The following RHBDD1 variants were observed in gnomAD, a reference collection of about 807,000 sequenced individuals.
The protein encoded by RHBDD1 is rhomboid domain containing 1.
In RHBDD1, 38 loss-of-function variants were observed where a neutral mutation model predicts 36.3. The ratio of observed to expected loss-of-function variants is 1.05; its 90% CI spans 0.81 to 1.37. The LOEUF (loss-of-function observed/expected upper bound fraction) is 1.37. RHBDD1 is among the 40% of genes most tolerant of loss of function. RHBDD1 has a pLI of 0.00. For missense variants in RHBDD1, 393 were observed against 377.6 expected, an observed-to-expected ratio of 1.04 and a Z score of -0.34; for synonymous variants, 151 against 136.5, an observed-to-expected ratio of 1.11 and a Z score of -0.74.
intron 5 of RHBDD1, among the ~76,000 whole-genome samples, chr2:226,902,988 T>C (rs1457546625): frequency 1.3e-5 from 2 of 152,238 alleles, no homozygotes; most frequent in South Asian, 2.1e-4. Context: ...TTATATCATA[T>C]ATGCTTCACC....
chr2:226,933,617 G>A (rs927999609), intron 8 of RHBDD1, among the ~76,000 whole-genome samples: 2 of 151,964 alleles, frequency 1.3e-5, no homozygotes, highest in Non-Finnish European at 2.9e-5. Flanking sequence ...TTGTTTAGTT[G>A]GCTGATCTGC....
intron 8 of RHBDD1, 127 bp downstream of exon 8, chr2:226,914,478 T>C: frequency 9.7e-7 from 1 of 1,035,508 alleles, no homozygotes; most frequent in East Asian, 2.7e-5. Context: ...ATGAAAACTG[T>C]GTGCAGATTG....
intron 5 of RHBDD1, among the ~76,000 whole-genome samples, chr2:226,881,183 A>G (rs1945696933): frequency 6.6e-6 from 1 of 152,138 alleles, no homozygotes; most frequent in Non-Finnish European, 1.5e-5. Context: ...GGAGAACAGC[A>G]TGGGGGGAAA....
At chr2:226,893,303 A>G (rs1328352632) in intron 5 of RHBDD1, among the ~76,000 whole-genome samples, 2 of 152,150 alleles carry the variant, frequency 1.3e-5, no homozygotes, top group African/African-American at 4.8e-5. Flanking sequence ...TTCATTTTAT[A>G]TTTACTTTCT....
chr2:226,938,129 G>A (rs182327705), intron 8 of RHBDD1, among the ~76,000 whole-genome samples: 3 of 152,142 alleles, frequency 2.0e-5, no homozygotes, highest in Non-Finnish European at 4.4e-5. Flanking sequence ...TTTAGTAATA[G>A]CCATTCTGAC....
At chr2:226,802,657 CAGA>C in the RHBDD1 span, among the ~76,000 whole-genome samples, 23 of 152,298 alleles carry the variant, frequency 1.5e-4, no homozygotes, top group Non-Finnish European at 2.2e-4. Context: ...ATTCACGGAA[CAGA>C]AGAACAAGCT....
chr2:226,916,412 T>C (rs1948915242), intron 8 of RHBDD1, among the ~76,000 whole-genome samples: 1 of 152,186 alleles, frequency 6.6e-6, no homozygotes, highest in Non-Finnish European at 1.5e-5. Flanking sequence ...TAACAAATTC[T>C]CATGGTTATT....
At chr2:226,888,524 T>C (rs1946418830) in intron 5 of RHBDD1, among the ~76,000 whole-genome samples, 1 of 152,074 alleles carries the variant, frequency 6.6e-6, no homozygotes, top group African/African-American at 2.4e-5. Context: ...AGTGAAAACC[T>C]AAGGATCAGA....
chr2:226,908,222 A>T (rs1309358613), intron 6 of RHBDD1: 1 of 152,128 alleles, frequency 6.6e-6, no homozygotes, highest in Non-Finnish European at 1.5e-5. Flanking sequence ...GTGAGCTGAG[A>T]ATTGAAGGAC....
chr2:226,987,699 C>T (rs542584842), intron 8 of RHBDD1, among the ~76,000 whole-genome samples: 2 of 152,318 alleles, frequency 1.3e-5, no homozygotes, highest in African/African-American at 2.4e-5. Flanking sequence ...TGTGCCAGAT[C>T]GTGGTGGACC....
chr2:226,858,799 A>G (rs1943568788), intron 3 of RHBDD1, among the ~76,000 whole-genome samples: 1 of 152,158 alleles, frequency 6.6e-6, no homozygotes, highest in South Asian at 2.1e-4. Context: ...AAATATGGCT[A>G]ATTTTCCTGT....
chr2:226,934,147 TA>T (rs1367336983), intron 8 of RHBDD1, among the ~76,000 whole-genome samples: 2 of 152,164 alleles, frequency 1.3e-5, no homozygotes, highest in Admixed American at 1.3e-4. Context: ...AGTGGTCCCA[TA>T]ACATTATAAA....
At chr2:226,934,853 T>C (rs1950240207) in intron 8 of RHBDD1, among the ~76,000 whole-genome samples, 1 of 131,492 alleles carries the variant, frequency 7.6e-6, no homozygotes, top group South Asian at 2.6e-4. Context: ...AATTTATGCC[T>C]TTTTCTTTTC....
the RHBDD1 span, among the ~76,000 whole-genome samples, chr2:226,802,088 GGAA>G: frequency 6.6e-6 from 1 of 151,766 alleles, no homozygotes; most frequent in Non-Finnish European, 1.5e-5. Context: ...ACTCTTTTCT[GGAA>G]GGAGGGGAGG....
intron 8 of RHBDD1, among the ~76,000 whole-genome samples, chr2:226,921,043 A>G (rs1244841890): frequency 6.6e-6 from 1 of 151,992 alleles, no homozygotes; most frequent in Non-Finnish European, 1.5e-5. Context: ...ATTACTTTTT[A>G]TTGGTTTGTT....
At chr2:226,979,935 G>T (rs1343419400) in intron 8 of RHBDD1, among the ~76,000 whole-genome samples, 1 of 152,218 alleles carries the variant, frequency 6.6e-6, no homozygotes, top group Non-Finnish European at 1.5e-5. Context: ...ATTTGGGAAT[G>T]TTCAGGTTAA....
chr2:226,894,667 G>T (rs1946955955), intron 5 of RHBDD1, among the ~76,000 whole-genome samples: 1 of 152,152 alleles, frequency 6.6e-6, no homozygotes, highest in Non-Finnish European at 1.5e-5. Flanking sequence ...ATGTGTCTGT[G>T]TACACAAAGT....
intron 8 of RHBDD1, among the ~76,000 whole-genome samples, chr2:226,939,044 T>G (rs1219556037): frequency 6.6e-6 from 1 of 152,206 alleles, no homozygotes; most frequent in Non-Finnish European, 1.5e-5. Context: ...ATTATCTCAA[T>G]AGATGCAGAA....
At position 226,988,884 on chromosome 2, in the gene RHBDD1, A is replaced by G. The variant is rs78309684; in HGVS notation, c.857-6547A>G. 6.0e-3 allele frequency among the ~76,000 whole-genome samples: 919 copies of G among 152,278 alleles called. 8 individuals are homozygous for G. The highest frequency in any genetic ancestry group is 0.021 in the African/African-American group (874 of 41,556). On this transcript the variant is annotated intron_variant, in intron 8 of 8. Coordinates refer to ENST00000392062, the MANE Select transcript of RHBDD1 (RefSeq NM_001167608.3). ...TTACTCCTTGTCAAAGGAGATCCTA[A>G]TTCTAGATGCATCCAGTTATCCAAA...
Sources: gnomAD v4.1 joint callset for allele counts (sites outside exome capture counted in the v4.1 genomes callset) on GRCh38, gnomAD v4.1.1 for gene constraint, MANE v1.5 for transcripts, NCBI Gene and HGNC (gene_info 2026-07-23, HGNC 2026-07-21) for gene names.